The following MAGI2 variants were observed in gnomAD, a reference collection of about 807,000 sequenced individuals.
MAGI2 encodes membrane associated guanylate kinase, WW and PDZ domain containing 2.
MAGI2 carries 35 observed loss-of-function variants against 133.3 expected under a neutral mutation model. That is an observed-to-expected ratio of 0.26 (90% confidence interval 0.20 to 0.35). The LOEUF (loss-of-function observed/expected upper bound fraction) is 0.35. Ranked by LOEUF, MAGI2 falls within the 10% of genes least tolerant of loss-of-function variation. The pLI is 1.00. For synonymous variants in MAGI2, 729 were observed against 710.6 expected (o/e 1.03, Z -0.41); for missense variants, 1,636 against 1,863.4 (o/e 0.88, Z 2.25).
At chr7:78,498,780 G>A (rs529685391) in intron 5 of MAGI2, among the ~76,000 whole-genome samples, 1 of 152,060 alleles carries the variant, frequency 6.6e-6, no homozygotes, top group Admixed American at 6.6e-5. Context: ...GAGCAGGCGG[G>A]CAGGGATGCC....
At chr7:78,789,738 A>C (rs1350020016) in intron 2 of MAGI2, among the ~76,000 whole-genome samples, 2 of 152,180 alleles carry the variant, frequency 1.3e-5, no homozygotes, top group Non-Finnish European at 2.9e-5. Flanking sequence ...AATGGACAAT[A>C]AATTATTATT....
At chr7:78,922,897 A>T (rs1799373269) in intron 2 of MAGI2, among the ~76,000 whole-genome samples, 1 of 151,568 alleles carries the variant, frequency 6.6e-6, no homozygotes, top group Non-Finnish European at 1.5e-5. Flanking sequence ...AACTGGTGTG[A>T]GATGGTATCT....
intron 2 of MAGI2, among the ~76,000 whole-genome samples, chr7:78,946,083 T>C (rs569874514): frequency 1.3e-5 from 2 of 152,304 alleles, no homozygotes; most frequent in Non-Finnish European, 2.9e-5. Flanking sequence ...AATGGTATAA[T>C]CATATCATCT....
intron 20 of MAGI2, among the ~76,000 whole-genome samples, chr7:78,082,752 C>T (rs566568182): frequency 1.0e-3 from 153 of 152,248 alleles, no homozygotes; most frequent in Non-Finnish European, 1.6e-3. Context: ...CTGACCGTTG[C>T]AAAGCACTCT....
At chr7:78,859,645 C>T (rs1190976372) in intron 2 of MAGI2, among the ~76,000 whole-genome samples, 1 of 151,746 alleles carries the variant, frequency 6.6e-6, no homozygotes. Flanking sequence ...GTGGGTAACC[C>T]GACCTTTCTC....
intron 6 of MAGI2, among the ~76,000 whole-genome samples, chr7:78,396,932 T>G (rs1233387611): frequency 1.3e-5 from 2 of 152,132 alleles, no homozygotes; most frequent in Non-Finnish European, 2.9e-5. Context: ...CATGCATATT[T>G]TCATTTAGCT....
chr7:78,725,301 G>A (rs10243772), intron 2 of MAGI2, among the ~76,000 whole-genome samples: 10,443 of 152,192 alleles, frequency 0.069, 439 homozygotes, highest in African/African-American at 0.092. Context: ...GGATTTCTGA[G>A]CACTAAAAAA....
intron 1 of MAGI2, among the ~76,000 whole-genome samples, chr7:79,224,242 G>C (rs777045168): frequency 2.0e-5 from 3 of 151,984 alleles, no homozygotes; most frequent in African/African-American, 4.8e-5. Context: ...CAGATGAAAT[G>C]AAAGTATGCC....
At chr7:78,965,078 T>G (rs1048539900) in intron 2 of MAGI2, among the ~76,000 whole-genome samples, 3 of 151,552 alleles carry the variant, frequency 2.0e-5, no homozygotes, top group Non-Finnish European at 4.4e-5. Flanking sequence ...TCATTGAAAT[T>G]AATATATTAA....
At chr7:78,100,493 G>A (rs1818115490) in intron 20 of MAGI2, among the ~76,000 whole-genome samples, 1 of 152,150 alleles carries the variant, frequency 6.6e-6, no homozygotes, top group Non-Finnish European at 1.5e-5. Context: ...TGGGACCACA[G>A]GCACATGCCA....
chr7:79,229,011 A>G (rs183856484), intron 1 of MAGI2, among the ~76,000 whole-genome samples: 40 of 152,264 alleles, frequency 2.6e-4, no homozygotes, highest in African/African-American at 8.4e-4. Flanking sequence ...AAGAAGTAGG[A>G]AGAGTTGTAT....
chr7:78,884,307 A>G (rs1401474474), intron 2 of MAGI2, among the ~76,000 whole-genome samples: 1 of 152,068 alleles, frequency 6.6e-6, no homozygotes, highest in Non-Finnish European at 1.5e-5. Flanking sequence ...AGCAGACCCA[A>G]TCTCTACAAA....
chr7:78,868,261 C>T (rs1031511710), intron 2 of MAGI2, among the ~76,000 whole-genome samples: 7 of 152,174 alleles, frequency 4.6e-5, no homozygotes, highest in African/African-American at 1.7e-4. Context: ...AAATAACCAA[C>T]ACTGAATGCC....
intron 1 of MAGI2, among the ~76,000 whole-genome samples, chr7:79,078,901 G>A (rs1367091705): frequency 1.3e-5 from 2 of 152,172 alleles, no homozygotes; most frequent in South Asian, 4.1e-4. Context: ...CAAGCTCAGT[G>A]AGGTTTTAAA....
Position 78,560,017 on chromosome 7 carries a change from A to T in MAGI2, c.539-38372T>A, listed in dbSNP as rs148783424. ...TGGGGACTTACAGACAAAAGGAAATATTCACCAAAGGCATGCAGCTTGAAG... is the reference window on the plus strand; with the variant it reads ...TGGGGACTTACAGACAAAAGGAAATTTTCACCAAAGGCATGCAGCTTGAAG... On this transcript the variant is annotated intron_variant, in intron 3 of 21. Coordinates refer to ENST00000354212, the MANE Select transcript of MAGI2 (RefSeq NM_012301.4). Among the ~76,000 whole-genome samples, 686 of 152,270 alleles carry T rather than the reference A, an allele frequency of 4.5e-3. 10 individuals carry two copies. The highest frequency in any genetic ancestry group is 0.016 in the African/African-American group (654 of 41,566).
At chr7:78,800,894 T>C (rs1308121419) in intron 2 of MAGI2, among the ~76,000 whole-genome samples, 2 of 152,112 alleles carry the variant, frequency 1.3e-5, no homozygotes, top group Non-Finnish European at 2.9e-5. Flanking sequence ...TACCTGACCA[T>C]GAATGGCAAC....
chr7:78,727,168 A>T (rs1298380204), intron 2 of MAGI2, among the ~76,000 whole-genome samples: 2 of 152,242 alleles, frequency 1.3e-5, no homozygotes, highest in African/African-American at 4.8e-5. Context: ...AGAAAAAGCA[A>T]TGGAAGTAGA....
At position 78,047,612 on chromosome 7, in the gene MAGI2, G is replaced by A. The variant is rs535744190; in HGVS notation, c.3707-27636C>T. The stretch of plus-strand genomic sequence containing the variant: ...CCTGATTTTCCACTCCCACCCTGGT[G>A]GAGGCCTTTGTCTCTGCTCACCTGC... On this transcript the variant is annotated intron_variant, in intron 21 of 21. Coordinates refer to ENST00000354212, the MANE Select transcript of MAGI2 (RefSeq NM_012301.4). Among the ~76,000 whole-genome samples the A allele has an allele frequency of 3.3e-5, 5 of 152,322 alleles. No individual in the cohort carries two copies. In the East Asian group the frequency reaches 7.7e-4, roughly 23 times the overall value.
At chr7:79,111,197 C>G (rs1818898280) in intron 1 of MAGI2, among the ~76,000 whole-genome samples, 2 of 152,136 alleles carry the variant, frequency 1.3e-5, no homozygotes, top group Non-Finnish European at 2.9e-5. Context: ...AAAATATGGT[C>G]TTATTATTAA....
Sources: gnomAD v4.1 joint callset for allele counts (sites outside exome capture counted in the v4.1 genomes callset) on GRCh38, gnomAD v4.1.1 for gene constraint, MANE v1.5 for transcripts, NCBI Gene and HGNC (gene_info 2026-07-23, HGNC 2026-07-21) for gene names.